The following PP2D1 variants were observed in gnomAD, a reference collection of about 807,000 sequenced individuals.
PP2D1 encodes the protein protein phosphatase 2C-like domain-containing protein 1.
A neutral mutation model predicts 30.2 loss-of-function variants in PP2D1; 25 were observed. The ratio of observed to expected loss-of-function variants is 0.83; its 90% CI spans 0.60 to 1.16. The LOEUF is 1.16. Ranked by LOEUF, PP2D1 falls within the 50% of genes most tolerant of loss-of-function variation. The probability of loss-of-function intolerance (pLI) is 0.00; values close to 1 mark genes in which losing one functional copy is unlikely to be tolerated. For synonymous variants in PP2D1, 260 were observed against 258.9 expected, an observed-to-expected ratio of 1.00 and a Z score of -0.04; for missense variants, 760 against 742.4, an observed-to-expected ratio of 1.02 and a Z score of -0.28.
intron 1 of PP2D1, among the ~76,000 whole-genome samples, chr3:20,009,900 ACTTTTAG>A (rs1353224513): frequency 6.6e-6 from 1 of 152,226 alleles, no homozygotes; most frequent in Non-Finnish European, 1.5e-5. Context: ...CGTTATAAAT[ACTTTTAG>A]AACTATTTGA....
At chr3:19,987,386 C>A (rs1697053777) in intron 2 of PP2D1, among the ~76,000 whole-genome samples, 1 of 151,826 alleles carries the variant, frequency 6.6e-6, no homozygotes, top group South Asian at 2.1e-4. Context: ...TATTGTTTTT[C>A]TTGATATTAA....
chr3:19,986,168 C>G lies in PP2D1; in HGVS notation c.1105G>C (p.Val369Leu). 2 of 1,492,346 alleles carry G rather than the reference C, an allele frequency of 1.3e-6. No homozygotes were observed. The highest frequency in any genetic ancestry group is 2.8e-5 in the African/African-American group (2 of 71,056). The allele number at this position is 1,492,346 out of a possible 1,614,324, so 92.4% of individuals were successfully genotyped here. A position where few individuals can be genotyped will look rare whatever the true frequency, so the allele number is the denominator to read the frequency against. ...AAACCTTTCCCATTTCTGCATAAGA[C>G]TGCTTGCACATTACCTAAAAGATTA... Reference protein sequence around the residue: ...HVANTGNVQAVLCRNGKGFCL... With the variant: ...HVANTGNVQALLCRNGKGFCL... Residue 369 changes from valine (V) to leucine (L), a missense_variant, in exon 3 of 3, where the codon GTC (valine) becomes CTC (leucine). This residue lies in a region of PP2D1 where 369 missense variants were observed against 316.2 expected (regional missense o/e 1.17). Coordinates refer to ENST00000389050, the MANE Select transcript of PP2D1 (RefSeq NM_001252657.2).
At chr3:19,990,039 C>T (rs1048093871) in intron 2 of PP2D1, among the ~76,000 whole-genome samples, 3 of 151,896 alleles carry the variant, frequency 2.0e-5, no homozygotes, top group African/African-American at 7.3e-5. Flanking sequence ...TAGGACATAC[C>T]ATGTTGGCCC....
At position 19,986,101 on chromosome 3, in the gene PP2D1, C is replaced by T. The variant is rs899859420; in HGVS notation, c.1172G>A (p.Arg391Lys). The change falls in exon 3 of 3, where the codon AGA becomes AAA. Residue 391 changes from arginine (R) to lysine (K), a missense_variant. This residue lies in a region of PP2D1 where 369 missense variants were observed against 316.2 expected (regional missense o/e 1.17). Transcript: ENST00000389050. ...TGCTCCATTCTGAAGTATTCTTCTT[C>T]TTTCATTTGTGTTTCGTGTAGTATG... ...KEHTTRNTNE[R>K]RRILQNGAVI... The T allele has an allele frequency of 4.3e-5, 66 of 1,535,762 alleles. No homozygotes were observed. Among genetic ancestry groups the T allele is most frequent in the Non-Finnish European group, 5.8e-5 (66 of 1,146,726 alleles).
At chr3:19,994,987 T>C (rs1697159297) in intron 2 of PP2D1, among the ~76,000 whole-genome samples, 1 of 152,226 alleles carries the variant, frequency 6.6e-6, no homozygotes, top group Non-Finnish European at 1.5e-5. Context: ...GAAAAGATAT[T>C]AATTCGTGAA....
At position 20,002,647 on chromosome 3, in the gene PP2D1, C is replaced by A. The variant is rs141224094; in HGVS notation, c.24-551G>T. Among the ~76,000 whole-genome samples the A allele has an allele frequency of 8.8e-3, 1,342 of 152,270 alleles. 58 individuals carry two copies. The East Asian group carries it at 0.11, about 13-fold the overall frequency. ...AGTATAGCAAATAGAAGGCCAGGCA[C>A]GGTGGCTCACGCCTGTAATCCCAAC... On this transcript the variant is annotated intron_variant, in intron 1 of 2. Transcript: ENST00000389050.
At chr3:19,984,297 C>T (rs1030031005), downstream of PP2D1, 6 of 428,418 alleles carry the variant, frequency 1.4e-5, no homozygotes, top group Admixed American at 1.2e-4. Context: ...CTCCTGGTAC[C>T]TGTATTTAAA....
chr3:20,007,241 C>A (rs941416283), intron 1 of PP2D1, among the ~76,000 whole-genome samples: 2 of 151,962 alleles, frequency 1.3e-5, no homozygotes, highest in African/African-American at 2.4e-5. Flanking sequence ...GTAAATAGTT[C>A]TTATACTGTA....
rs891756350 is a variant in PP2D1, at chr3:19,993,481, A to G, written c.1091-7299T>C. ...CCAGGTGCAGTGGCTCATACCTATA[A>G]TCCCAGCACTTTGGGAGGCCAAAGC... On this transcript the variant is annotated intron_variant, in intron 2 of 2. Coordinates refer to ENST00000389050, the MANE Select transcript of PP2D1 (RefSeq NM_001252657.2). Among the ~76,000 whole-genome samples, 8 of 152,304 alleles carry G rather than the reference A, an allele frequency of 5.3e-5. No homozygotes were observed. The East Asian group carries it at 1.2e-3, about 22-fold the overall frequency.
intron 2 of PP2D1, among the ~76,000 whole-genome samples, chr3:19,998,940 A>G (rs1368505573): frequency 6.6e-6 from 1 of 152,154 alleles, no homozygotes; most frequent in African/African-American, 2.4e-5. Flanking sequence ...TTACAATTTG[A>G]ATTTTTTTCA....
Position 20,001,305 on chromosome 3 carries a change from GT to G in PP2D1, c.814del (p.Thr272GlnfsTer4), listed in dbSNP as rs1697248500. The G allele has an allele frequency of 2.6e-6, 4 of 1,535,748 alleles. No individual in the cohort carries two copies. The highest frequency in any genetic ancestry group is 1.4e-5 in the African/African-American group (1 of 73,144). On this transcript the variant is annotated frameshift_variant, in exon 2 of 3. Coordinates refer to ENST00000389050, the MANE Select transcript of PP2D1 (RefSeq NM_001252657.2). LOFTEE classifies it high-confidence loss of function. ...IEDLFSAINK[T>X]EAVRCEYEDT... is the part of the protein sequence containing the mutation. ...CTCATACTCACACCTCACTGCTTCT[GT>G]TTTGTTTATGGCAGAAAAGAGGTCT...
chr3:19,984,689 T>C (rs1696999188), downstream of PP2D1: 1 of 154,974 alleles, frequency 6.5e-6, no homozygotes. Flanking sequence ...TTGATTATTT[T>C]AAATTCGATC....
chr3:19,982,359 G>T (rs1696945140), downstream of PP2D1, among the ~76,000 whole-genome samples: 1 of 152,172 alleles, frequency 6.6e-6, no homozygotes, highest in Non-Finnish European at 1.5e-5. Context: ...GCATGCTAAG[G>T]TATGTTTGTG....
At position 20,002,097 on chromosome 3, in the gene PP2D1, C is replaced by T; in HGVS notation, c.24-1G>A. ...CCATTCTCTTGATTTCCAAAACACT[C>T]TGCAAACAGGATGAAAGATATTTAC... On this transcript the variant is annotated splice_acceptor_variant, in intron 1 of 2. Coordinates refer to ENST00000389050, the MANE Select transcript of PP2D1 (RefSeq NM_001252657.2). LOFTEE classifies it high-confidence loss of function. 6.6e-7 allele frequency: 1 copy of T among 1,517,686 alleles called. No individual in the cohort carries two copies. The highest frequency in any genetic ancestry group is 8.8e-7 in the Non-Finnish European group (1 of 1,131,596). The allele number at this position is 1,517,686 out of a possible 1,614,324, so 94.0% of individuals were successfully genotyped here.
intron 1 of PP2D1, among the ~76,000 whole-genome samples, chr3:20,003,503 G>A (rs1697281445): frequency 6.6e-6 from 1 of 151,946 alleles, no homozygotes; most frequent in Admixed American, 6.5e-5. Flanking sequence ...AACACTTTGG[G>A]AGGCCGAGGC....
chr3:19,985,753 G>T lies in PP2D1; in HGVS notation c.1520C>A (p.Ser507Ter). 1 of 1,536,044 alleles carries T rather than the reference G, an allele frequency of 6.5e-7. No homozygotes were observed. The highest frequency in any genetic ancestry group is 8.7e-7 in the Non-Finnish European group (1 of 1,146,844). Residue 507 changes from serine to a stop codon, truncating the protein, a stop_gained, in exon 3 of 3, where the codon TCA (serine) becomes TAA (stop). Transcript: ENST00000389050. LOFTEE classifies it low-confidence loss of function (END_TRUNC). ...AAACAATACGTGGATATTACTCTGT[G>T]ATTTAGTAAGGTTTGGTTCACTGGT... ...FSTSEPNLTK[S>*]QSNIHVLFQY...
downstream of PP2D1, chr3:19,984,735 T>C (rs1473549580): frequency 6.5e-6 from 1 of 153,156 alleles, no homozygotes; most frequent in Non-Finnish European, 1.5e-5. Flanking sequence ...TGCATTGTAG[T>C]CTCCATATCT....
At chr3:19,983,639 G>C (rs1185197372), downstream of PP2D1, 16 of 1,010,350 alleles carry the variant, frequency 1.6e-5, no homozygotes, top group Admixed American at 3.1e-4. Flanking sequence ...AAAAATTATA[G>C]ATAAGCAGGT....
At chr3:19,993,731 CTGTT>C (rs531963381) in intron 2 of PP2D1, among the ~76,000 whole-genome samples, 54 of 152,032 alleles carry the variant, frequency 3.6e-4, no homozygotes, top group East Asian at 2.5e-3. Context: ...CAGAGCAAGA[CTGTT>C]TGTTTGTTTG....
Sources: gnomAD v4.1 joint callset for allele counts (sites outside exome capture counted in the v4.1 genomes callset) on GRCh38, gnomAD v4.1.1 for gene constraint, gnomAD v4.1.1 regional missense constraint, MANE v1.5 for transcripts, NCBI Gene and HGNC (gene_info 2026-07-23, HGNC 2026-07-21) for gene names.